The following COL14A1 variants were observed in gnomAD, a reference collection of about 807,000 sequenced individuals.
The protein encoded by COL14A1 is collagen type XIV alpha 1 chain.
In COL14A1, 136 loss-of-function variants were observed where a neutral mutation model predicts 230.3. The observed-to-expected ratio is 0.59, with a 90% CI of 0.51 to 0.68. COL14A1 has a LOEUF of 0.68. Among genes scored for constraint, COL14A1 ranks in the 30% least tolerant of loss-of-function variants. COL14A1 has a pLI of 0.00. For synonymous variants in COL14A1, 792 were observed against 784.1 expected (o/e 1.01, Z -0.17); for missense variants, 1,976 against 2,215.8 (o/e 0.89, Z 2.17).
intron 47 of COL14A1, chr8:120,370,515 CT>C: frequency 6.7e-7 from 1 of 1,488,318 alleles, no homozygotes; most frequent in Non-Finnish European, 8.9e-7. Context: ...TGCCTTCCCA[CT>C]TTCAAACCTC....
rs1815718526 is a variant in COL14A1 at position 120,162,588 on chromosome 8, C to T, written c.349+19C>T. The T allele has an allele frequency of 1.3e-6, 2 of 1,589,942 alleles. No homozygotes were observed. Among genetic ancestry groups the T allele is most frequent in the South Asian group, 1.2e-5 (1 of 85,614 alleles). ...TTCAGAAGTACGTATTTACAGTTCTCAAAGCACCTCCGCAGGACTCTGTCC... is the reference window on the plus strand; with the variant it reads ...TTCAGAAGTACGTATTTACAGTTCTTAAAGCACCTCCGCAGGACTCTGTCC... On this transcript the variant is annotated intron_variant, in intron 4 of 47. Transcript: ENST00000297848.
rs1261050455 is a variant in COL14A1, at chr8:120,168,197, G to T, written c.386G>T (p.Arg129Ile). 2.5e-6 allele frequency: 4 copies of T among 1,612,978 alleles called. No individual in the cohort carries two copies. In the South Asian group the frequency reaches 4.4e-5, roughly 18 times the overall value. The change falls in exon 5 of 48, where the codon AGA (arginine) becomes ATA (isoleucine). Residue 129 changes from arginine to isoleucine, a missense_variant. Arg to Ile is a moderately conservative substitution (Grantham distance 97). This residue lies in a region of COL14A1 where 181 missense variants were observed against 178.6 expected (regional missense o/e 1.01). Coordinates refer to ENST00000297848, the MANE Select transcript of COL14A1 (RefSeq NM_021110.4). ...DLEKRKDPKP[R>I]VKVVDRGNGS... The stretch of plus-strand genomic sequence containing the variant: ...GAAAAAAGAAAGGATCCAAAGCCCA[G>T]AGTCAAAGTTGTGGACAGAGGAAAT...
At position 120,266,895 on chromosome 8, in the gene COL14A1, A is replaced by G. The variant is rs768552450; in HGVS notation, c.3073+12A>G. 8.1e-6 allele frequency: 13 copies of G among 1,603,088 alleles called. No homozygotes were observed. The South Asian group carries it at 1.4e-4, about 18-fold the overall frequency. On this transcript the variant is annotated intron_variant, in intron 25 of 47. Coordinates refer to ENST00000297848, the MANE Select transcript of COL14A1 (RefSeq NM_021110.4). ...ACCAGCAAAAGAAGGTAAAAGAATA[A>G]TAGAATAATTATCTGATTCTAGGTT... is the stretch of plus-strand genomic sequence containing the variant.
At chr8:120,322,486 G>A (rs1388064608) in intron 40 of COL14A1, among the ~76,000 whole-genome samples, 1 of 152,110 alleles carries the variant, frequency 6.6e-6, no homozygotes, top group Non-Finnish European at 1.5e-5. Context: ...TCATCACCCA[G>A]GTATTAAGCT....
chr8:120,353,513 G>C (rs1313965684), intron 45 of COL14A1, among the ~76,000 whole-genome samples: 1 of 146,396 alleles, frequency 6.8e-6, no homozygotes, highest in East Asian at 2.0e-4. Flanking sequence ...CTAATATCCA[G>C]AATCTACAAT....
chr8:120,142,098 G>C (rs1405449569), intron 1 of COL14A1, among the ~76,000 whole-genome samples: 3 of 152,066 alleles, frequency 2.0e-5, no homozygotes, highest in African/African-American at 2.4e-5. Flanking sequence ...AAAGACAAAC[G>C]TGGCCTGTTT....
intron 36 of COL14A1, among the ~76,000 whole-genome samples, chr8:120,307,463 CCA>C (rs1462212830): frequency 6.6e-6 from 1 of 152,102 alleles, no homozygotes; most frequent in East Asian, 1.9e-4. Context: ...TAAGTACACT[CCA>C]CGATGTTCAC....
rs1468945566 is a variant in COL14A1, at chr8:120,278,398, G to A, written c.3338-37G>A. On this transcript the variant is annotated intron_variant, in intron 27 of 47. Coordinates refer to ENST00000297848, the MANE Select transcript of COL14A1 (RefSeq NM_021110.4). ...CTTCTCCAGAAAAACAAAAATGGGA[G>A]GGAGTGAAATCAAACTGTTGCCTTT... is the stretch of plus-strand genomic sequence containing the variant. The A allele has an allele frequency of 3.1e-6, 5 of 1,589,122 alleles. No individual in the cohort carries two copies. In the South Asian group the frequency reaches 5.8e-5, roughly 18 times the overall value.
At chr8:120,229,907 G>A (rs1818216411) in intron 18 of COL14A1, among the ~76,000 whole-genome samples, 1 of 152,056 alleles carries the variant, frequency 6.6e-6, no homozygotes, top group South Asian at 2.1e-4. Context: ...TAGAGACAGG[G>A]TTTCATTCTG....
chr8:120,178,529 A>T lies in COL14A1; in HGVS notation c.436+10282A>T. Among the ~76,000 whole-genome samples the T allele has an allele frequency of 1.3e-5, 2 of 152,174 alleles. 1 individual carries two copies. Among genetic ancestry groups the T allele is most frequent in the Non-Finnish European group, 2.9e-5 (2 of 68,028 alleles). ...CTTTGCTATTGTGAACAGTGCTGCA[A>T]TAAACATACGTGTGCATGTGTCTTT... is the stretch of plus-strand genomic sequence containing the variant. On this transcript the variant is annotated intron_variant, in intron 5 of 47. Coordinates refer to ENST00000297848, the MANE Select transcript of COL14A1 (RefSeq NM_021110.4).
At chr8:120,221,153 C>T (rs1347431421) in intron 14 of COL14A1, among the ~76,000 whole-genome samples, 1 of 152,102 alleles carries the variant, frequency 6.6e-6, no homozygotes, top group South Asian at 2.1e-4. Context: ...TTTGAGAGGC[C>T]GGTTCCTAAT....
intron 46 of COL14A1, 102 bp downstream of exon 46, chr8:120,367,350 T>A: frequency 1.1e-6 from 1 of 894,004 alleles, no homozygotes; most frequent in Non-Finnish European, 1.7e-6. Flanking sequence ...GTATGTAACT[T>A]AAATGGCTGT....
chr8:120,205,198 G>A (rs1212324587), intron 9 of COL14A1, among the ~76,000 whole-genome samples: 1 of 151,990 alleles, frequency 6.6e-6, no homozygotes, highest in African/African-American at 2.4e-5. Flanking sequence ...CTGGTCCTTT[G>A]CTAGAGGGAG....
Position 120,174,929 on chromosome 8 carries a change from G to A in COL14A1, c.436+6682G>A, listed in dbSNP as rs77984607. On this transcript the variant is annotated intron_variant, in intron 5 of 47. Transcript: ENST00000297848. Reference sequence around the variant, plus strand: ...GCCCCTGCTCCACCCCAACCAGGTCGTTTATGCAACCCTTAGCATAAGCCC... The same window carrying A: ...GCCCCTGCTCCACCCCAACCAGGTCATTTATGCAACCCTTAGCATAAGCCC... Among the ~76,000 whole-genome samples the A allele has an allele frequency of 3.5e-4, 54 of 152,232 alleles. 1 individual carries two copies. The East Asian group carries it at 0.01, about 28-fold the overall frequency.
intron 44 of COL14A1, among the ~76,000 whole-genome samples, chr8:120,344,451 A>G (rs1822423743): frequency 6.6e-6 from 1 of 152,356 alleles, no homozygotes; most frequent in East Asian, 1.9e-4. Context: ...GATGATGGAC[A>G]GTCCCCATGT....
In COL14A1 at chr8:120,330,199, A is replaced by G. The variant is rs1028172769; in HGVS notation, c.4660-1942A>G. Among the ~76,000 whole-genome samples the G allele has an allele frequency of 3.3e-5, 5 of 152,288 alleles. No homozygotes were observed. In the East Asian group the frequency reaches 7.7e-4, roughly 24 times the overall value. On this transcript the variant is annotated intron_variant, in intron 40 of 47. Transcript: ENST00000297848. ...GCCTAGGCAGGAAAGGAAAACCACA[A>G]ATATTGGTGAGCCCACGCATCCCCT...
chr8:120,294,096 T>C (rs1278798366), intron 34 of COL14A1, among the ~76,000 whole-genome samples: 2 of 151,806 alleles, frequency 1.3e-5, no homozygotes, highest in African/African-American at 4.8e-5. Context: ...TAAAGCTCTC[T>C]AGATATTTAT....
rs373584425 is a variant in COL14A1 at position 120,297,882 on chromosome 8, G to A, written c.4314+294G>A. On this transcript the variant is annotated intron_variant, in intron 35 of 47. Coordinates refer to ENST00000297848, the MANE Select transcript of COL14A1 (RefSeq NM_021110.4). ...CTCAAGCTTTTTCTTGCACCCCTAA[G>A]CCAAAAGAAACACCTTGCAGTTCCA... Among the ~76,000 whole-genome samples the A allele has an allele frequency of 3.1e-4, 47 of 152,018 alleles. No homozygotes were observed. In the East Asian group the frequency reaches 3.9e-3, roughly 12 times the overall value.
intron 2 of COL14A1, among the ~76,000 whole-genome samples, chr8:120,152,469 C>CAAAAAA (rs397891260): frequency 3.4e-4 from 20 of 59,578 alleles, no homozygotes; most frequent in Admixed American, 7.1e-4. Flanking sequence ...GATTCCATCT[C>CAAAAAA]AAAAAAAAAA....
Sources: gnomAD v4.1 joint callset for allele counts (sites outside exome capture counted in the v4.1 genomes callset) on GRCh38, gnomAD v4.1.1 for gene constraint, gnomAD v4.1.1 regional missense constraint, MANE v1.5 for transcripts, NCBI Gene and HGNC (gene_info 2026-07-23, HGNC 2026-07-21) for gene names.